The following ANKRD27 variants were observed in gnomAD, a reference collection of about 807,000 sequenced individuals.
ANKRD27 encodes the protein ankyrin repeat domain-containing protein 27.
ANKRD27 carries 112 observed loss-of-function variants against 129.7 expected under a neutral mutation model. The observed-to-expected ratio is 0.86, with a 90% CI of 0.74 to 1.01. ANKRD27 has a LOEUF of 1.01. Among genes scored for constraint, ANKRD27 ranks in the 50% least tolerant of loss-of-function variants. ANKRD27 has a pLI of 0.00. For synonymous variants in ANKRD27, 516 were observed against 511.2 expected, an observed-to-expected ratio of 1.01 and a Z score of -0.13; for missense variants, 1,258 against 1,300.5, an observed-to-expected ratio of 0.97 and a Z score of 0.50.
Position 32,666,604 on chromosome 19 carries a change from C to T in ANKRD27, c.-30-7559G>A, listed in dbSNP as rs375440365. On this transcript the variant is annotated intron_variant, in intron 1 of 28. Coordinates refer to ENST00000306065, the MANE Select transcript of ANKRD27 (RefSeq NM_032139.3). ...AGCCAATGAGCTCTCAGAGGGGGTGCCTACAAAATGGGCACAGAAAAGGAA... is the reference window on the plus strand; with the variant it reads ...AGCCAATGAGCTCTCAGAGGGGGTGTCTACAAAATGGGCACAGAAAAGGAA... Among the ~76,000 whole-genome samples the T allele has an allele frequency of 4.0e-5, 6 of 151,030 alleles. No individual in the cohort carries two copies. In the East Asian group the frequency reaches 9.7e-4, roughly 24 times the overall value.
chr19:32,598,314 G>A lies in ANKRD27; in HGVS notation c.2984C>T (p.Ala995Val). Residue 995 changes from alanine to valine, a missense_variant, in exon 29 of 29, where the codon GCT (alanine) becomes GTT (valine). Ala to Val is a moderately conservative substitution (Grantham distance 64). Transcript: ENST00000306065. ...NLPAQSGSHA[A>V]EKGNSDWPER... Reference sequence around the variant, plus strand: ...TGGCCAGTCGCTGTTGCCTTTCTCAGCAGCATGAGATCCACTCTGAGCTGG... The same window carrying A: ...TGGCCAGTCGCTGTTGCCTTTCTCAACAGCATGAGATCCACTCTGAGCTGG... 6.2e-7 allele frequency: 1 copy of A among 1,614,164 alleles called. No homozygotes were observed. The highest frequency in any genetic ancestry group is 8.5e-7 in the Non-Finnish European group (1 of 1,180,034).
At chr19:32,654,968 T>C (rs1293090597) in intron 2 of ANKRD27, 2 of 152,094 alleles carry the variant, frequency 1.3e-5, no homozygotes, top group African/African-American at 4.8e-5. Context: ...TTTTAGTAGA[T>C]ATGGGGTTTC....
intron 1 of ANKRD27, among the ~76,000 whole-genome samples, chr19:32,666,942 C>T (rs1253409871): frequency 6.6e-6 from 1 of 152,176 alleles, no homozygotes; most frequent in Non-Finnish European, 1.5e-5. Context: ...CCACCATGCC[C>T]AGCCAGGAGA....
intron 1 of ANKRD27, among the ~76,000 whole-genome samples, chr19:32,673,774 C>A (rs1967918281): frequency 6.6e-6 from 1 of 152,138 alleles, no homozygotes; most frequent in Non-Finnish European, 1.5e-5. Flanking sequence ...TGGGTGACAG[C>A]AGGCCCCGGG....
In ANKRD27 at chr19:32,626,833, G is replaced by A; in HGVS notation, c.1421-6C>T. 6.2e-7 allele frequency: 1 copy of A among 1,600,636 alleles called. No individual in the cohort carries two copies. The highest frequency in any genetic ancestry group is 8.5e-7 in the Non-Finnish European group (1 of 1,172,268). The stretch of plus-strand genomic sequence containing the variant: ...GTCGATGAGGGATGCCTGCCCTGCA[G>A]AGCAGAAGGACGTCACGATGGAGAA... On this transcript the variant is annotated splice_polypyrimidine_tract_variant and splice_region_variant and intron_variant, in intron 15 of 28. Coordinates refer to ENST00000306065, the MANE Select transcript of ANKRD27 (RefSeq NM_032139.3).
At chr19:32,650,819 A>G (rs1433188018) in intron 2 of ANKRD27, among the ~76,000 whole-genome samples, 1 of 143,444 alleles carries the variant, frequency 7.0e-6, no homozygotes, top group Non-Finnish European at 1.5e-5. Flanking sequence ...GCGCAATCAT[A>G]GCTCACTGCA....
intron 10 of ANKRD27, among the ~76,000 whole-genome samples, 200 bp from the exon 11 acceptor site, chr19:32,640,585 T>C (rs949876651): frequency 1.3e-5 from 2 of 152,162 alleles, no homozygotes; most frequent in African/African-American, 4.8e-5. Flanking sequence ...CCCAGCAATT[T>C]CAGAACATGA....
intron 12 of ANKRD27, among the ~76,000 whole-genome samples, chr19:32,635,302 G>A (rs2145292067): frequency 6.6e-6 from 1 of 152,210 alleles, no homozygotes; most frequent in South Asian, 2.1e-4. Flanking sequence ...AGAGGGCAGG[G>A]CAAAAACCAC....
chr19:32,619,125 C>T, intron 20 of ANKRD27, 135 bp downstream of exon 20: 1 of 1,244,760 alleles, frequency 8.0e-7, no homozygotes, highest in Non-Finnish European at 1.1e-6. Context: ...TCGGCCACCA[C>T]AGAGCAGCAG....
rs1971600706 is a variant in ANKRD27, at chr19:32,598,317, G to C, written c.2981C>G (p.Ala994Gly). Residue 994 changes from alanine to glycine, a missense_variant, in exon 29 of 29, where the codon GCT becomes GGT. Transcript: ENST00000306065. ...NNLPAQSGSHAAEKGNSDWPE... is the reference protein window; with the variant it reads ...NNLPAQSGSHGAEKGNSDWPE... ...CCAGTCGCTGTTGCCTTTCTCAGCA[G>C]CATGAGATCCACTCTGAGCTGGCAG... 6.2e-7 allele frequency: 1 copy of C among 1,614,072 alleles called. No homozygotes were observed. The highest frequency in any genetic ancestry group is 1.3e-5 in the African/African-American group (1 of 74,936).
intron 1 of ANKRD27, among the ~76,000 whole-genome samples, chr19:32,672,137 C>A (rs259282): frequency 6.6e-6 from 1 of 152,084 alleles, no homozygotes; most frequent in Non-Finnish European, 1.5e-5. Flanking sequence ...CTGCGATGGC[C>A]GTTCCCGCCC....
rs1304735346 is a variant in ANKRD27 at position 32,615,786 on chromosome 19, G to A, written c.2053-6C>T. 4 of 1,610,642 alleles carry A rather than the reference G, an allele frequency of 2.5e-6. No individual in the cohort carries two copies. Among genetic ancestry groups the A allele is most frequent in the African/African-American group, 2.7e-5 (2 of 74,904 alleles). On this transcript the variant is annotated splice_region_variant and splice_polypyrimidine_tract_variant and intron_variant, in intron 21 of 28. Transcript: ENST00000306065. ...CATTCCAACAGGTAACGCACCTGGT[G>A]ATGGAGAGTAACGGAAACAGGAACA...
chr19:32,673,368 C>T, intron 1 of ANKRD27: 1 of 985,314 alleles, frequency 1.0e-6, no homozygotes, highest in Non-Finnish European at 1.2e-6. Flanking sequence ...CTGGATCTGC[C>T]CCCTGGATTT....
chr19:32,601,220 A>T (rs7258082), intron 26 of ANKRD27, among the ~76,000 whole-genome samples: 8,828 of 152,086 alleles, frequency 0.058, 438 homozygotes, highest in East Asian at 0.17. Flanking sequence ...AATAACTTGA[A>T]CCCAGGAGGC....
intron 21 of ANKRD27, 26 bp from the exon 22 acceptor site, chr19:32,615,806 G>C: frequency 6.2e-7 from 1 of 1,606,380 alleles, no homozygotes; most frequent in Non-Finnish European, 8.5e-7. Context: ...AACGGAAACA[G>C]GAACACATCC....
rs1457672570 is a variant in ANKRD27 at position 32,630,725 on chromosome 19, G to A, written c.1209+677C>T. ...AGCTCACGGCAGCCTCCAACTCCTG[G>A]CCTCAACTGATCCTTCCACCTCAGC... On this transcript the variant is annotated intron_variant, in intron 13 of 28. Coordinates refer to ENST00000306065, the MANE Select transcript of ANKRD27 (RefSeq NM_032139.3). Among the ~76,000 whole-genome samples the A allele has an allele frequency of 5.3e-5, 8 of 152,312 alleles. No homozygotes were observed. The East Asian group carries it at 1.5e-3, about 29-fold the overall frequency.
rs771193464 is a variant in ANKRD27 at position 32,639,318 on chromosome 19, G to A, written c.1116+38C>T. The A allele has an allele frequency of 5.6e-6, 9 of 1,613,200 alleles. No homozygotes were observed. In the South Asian group the frequency reaches 9.9e-5, roughly 18 times the overall value. ...AGCACCCTATCAAGGGAACCATGAT[G>A]CCCACAAAGGAAGGCCAGGGCAGGG... On this transcript the variant is annotated intron_variant, in intron 12 of 28. Transcript: ENST00000306065.
At chr19:32,659,135 TTTTC>T (rs878922371) in intron 1 of ANKRD27, 90 bp from the exon 2 acceptor site, 11,300 of 379,638 alleles carry the variant, frequency 0.03, 59 homozygotes, top group South Asian at 0.04. Flanking sequence ...GGCATTTTCT[TTTTC>T]TTTTTTTTTT....
At chr19:32,632,914 T>A (rs755132769) in intron 12 of ANKRD27, among the ~76,000 whole-genome samples, 3 of 152,028 alleles carry the variant, frequency 2.0e-5, no homozygotes, top group Admixed American at 6.5e-5. Context: ...CCATGCAGGG[T>A]CCTCCCAGCA....
Sources: allele counts gnomAD v4.1 joint callset (sites outside exome capture counted in the v4.1 genomes callset), GRCh38; gene constraint gnomAD v4.1.1; transcripts MANE v1.5; gene names NCBI Gene and HGNC (gene_info 2026-07-23, HGNC 2026-07-21).